Variants in FAM20C observed in about 807,000 individuals in gnomAD.
FAM20C encodes FAM20C golgi associated secretory pathway kinase.
FAM20C carries 40 observed loss-of-function variants against 51.5 expected under a neutral mutation model. The ratio of observed to expected loss-of-function variants is 0.78; its 90% confidence interval spans 0.60 to 1.01. The LOEUF (loss-of-function observed/expected upper bound fraction) is 1.01. Ranked by LOEUF, FAM20C falls within the 50% of genes least tolerant of loss-of-function variation. The pLI is 0.00. For missense variants in FAM20C, 861 were observed against 844.7 expected, an observed-to-expected ratio of 1.02 and a Z score of -0.24; for synonymous variants, 406 against 380.6, an observed-to-expected ratio of 1.07 and a Z score of -0.78.
chr7:200,261 G>A (rs1786069321), intron 2 of FAM20C, among the ~76,000 whole-genome samples: 1 of 146,238 alleles, frequency 6.8e-6, no homozygotes, highest in African/African-American at 2.5e-5. Context: ...GCAGGTCACG[G>A]TCCCAGGGCC....
rs563217049 is a variant in FAM20C, at chr7:222,638, G to T, written c.863+13662G>T. ...GCCAACCAAAGGCTGGAGAGCGGAA[G>T]TGAGGGGCCCTGAGGTGCCAACCAA... On this transcript the variant is annotated intron_variant, in intron 3 of 9. Coordinates refer to ENST00000313766, the MANE Select transcript of FAM20C (RefSeq NM_020223.4). 9.2e-5 allele frequency among the ~76,000 whole-genome samples: 14 copies of T among 152,204 alleles called. No individual in the cohort carries two copies. The South Asian group carries it at 2.9e-3, about 32-fold the overall frequency.
At chr7:247,402 C>T (rs796403507) in intron 4 of FAM20C, among the ~76,000 whole-genome samples, 32 of 152,274 alleles carry the variant, frequency 2.1e-4, no homozygotes, top group African/African-American at 4.6e-4. Flanking sequence ...CTGCCCTGCA[C>T]GGCCCTGACA....
At chr7:249,948 G>A (rs765106206) in intron 5 of FAM20C, among the ~76,000 whole-genome samples, 3 of 152,114 alleles carry the variant, frequency 2.0e-5, no homozygotes, top group Non-Finnish European at 2.9e-5. Context: ...TGGTCCCAGC[G>A]ATGGTGGGCC....
intron 5 of FAM20C, among the ~76,000 whole-genome samples, chr7:250,895 G>A (rs1015988287): frequency 1.2e-4 from 18 of 152,210 alleles, no homozygotes; most frequent in Non-Finnish European, 7.3e-5. Flanking sequence ...AGGTGCCAGC[G>A]CCCCATGCAG....
At chr7:258,762 A>G (rs1266012628) in intron 9 of FAM20C, 57 bp downstream of exon 9, 4 of 1,470,986 alleles carry the variant, frequency 2.7e-6, no homozygotes, top group Non-Finnish European at 3.6e-6. Context: ...TGCGCAGGAG[A>G]CAGAGGAGGC....
chr7:207,355 G>A (rs1786471109), intron 2 of FAM20C, among the ~76,000 whole-genome samples: 1 of 133,448 alleles, frequency 7.5e-6, no homozygotes, highest in South Asian at 2.6e-4. Flanking sequence ...CGTATCCACT[G>A]TGAGGCGTCG....
At chr7:248,945 C>T (rs145377273) in intron 5 of FAM20C, among the ~76,000 whole-genome samples, 8,728 of 152,268 alleles carry the variant, frequency 0.057, 294 homozygotes, top group Non-Finnish European at 0.082. Flanking sequence ...ACCTCCCACG[C>T]AGGGGTGCCC....
intron 3 of FAM20C, among the ~76,000 whole-genome samples, chr7:244,797 G>A (rs1204233786): frequency 6.6e-6 from 1 of 152,238 alleles, no homozygotes; most frequent in South Asian, 2.1e-4. Context: ...CTGTCAAGGC[G>A]AATATTATGT....
At chr7:219,764 C>T (rs574008867) in intron 3 of FAM20C, among the ~76,000 whole-genome samples, 1 of 152,332 alleles carries the variant, frequency 6.6e-6, no homozygotes, top group South Asian at 2.1e-4. Context: ...GGCTCTTCTC[C>T]TAGAGCCCAT....
intron 2 of FAM20C, among the ~76,000 whole-genome samples, chr7:202,619 T>C (rs1333575889): frequency 1.4e-5 from 2 of 141,644 alleles, no homozygotes; most frequent in Non-Finnish European, 3.1e-5. Context: ...TATCTTCCAG[T>C]GTGCATAGAG....
rs920876427 is a variant in FAM20C at position 208,885 on chromosome 7, C to G, written c.785-13C>G. On this transcript the variant is annotated splice_polypyrimidine_tract_variant and intron_variant, in intron 2 of 9. Transcript: ENST00000313766. Reference sequence around the variant, plus strand: ...CCAGAGAGTGACCCTGTTTCTCTCCCTCCTTCCTGCAGCCATGAAGTCGGG... The same window carrying G: ...CCAGAGAGTGACCCTGTTTCTCTCCGTCCTTCCTGCAGCCATGAAGTCGGG... 1 of 1,562,692 alleles carries G rather than the reference C, an allele frequency of 6.4e-7. No individual in the cohort carries two copies. The highest frequency in any genetic ancestry group is 8.7e-7 in the Non-Finnish European group (1 of 1,153,468).
intron 3 of FAM20C, among the ~76,000 whole-genome samples, chr7:233,321 T>C (rs878988638): frequency 0.48 from 73,404 of 152,072 alleles, 19,788 homozygotes; most frequent in African/African-American, 0.74. Context: ...ATGGCCTGAC[T>C]GGATTTGGAG....
At chr7:213,515 C>T (rs1265659804) in intron 3 of FAM20C, among the ~76,000 whole-genome samples, 1 of 152,254 alleles carries the variant, frequency 6.6e-6, no homozygotes, top group Non-Finnish European at 1.5e-5. Context: ...AGGTGCCTCC[C>T]TGTTTTTCAT....
intron 3 of FAM20C, among the ~76,000 whole-genome samples, chr7:233,567 G>A (rs1787762633): frequency 6.6e-6 from 1 of 152,150 alleles, no homozygotes. Flanking sequence ...CCGTGTCCTG[G>A]CCCTTCCGGC....
At chr7:256,574 T>G in intron 6 of FAM20C, 80 bp from the exon 7 acceptor site, 2 of 1,182,978 alleles carry the variant, frequency 1.7e-6, no homozygotes, top group Non-Finnish European at 2.4e-6. Context: ...GCCGCAGTGT[T>G]TCTCTTCTGC....
At chr7:248,224 C>T in intron 4 of FAM20C, 91 bp from the exon 5 acceptor site, 2 of 895,220 alleles carry the variant, frequency 2.2e-6, no homozygotes, top group East Asian at 2.7e-5. Flanking sequence ...AGCACAGACC[C>T]TCCCCTGCCC....
intron 5 of FAM20C, among the ~76,000 whole-genome samples, chr7:250,323 C>T (rs894551614): frequency 6.6e-6 from 1 of 152,168 alleles, no homozygotes; most frequent in African/African-American, 2.4e-5. Flanking sequence ...CTTTCTTCCT[C>T]TCAAAGCCCA....
At chr7:207,625 C>T (rs1198443824) in intron 2 of FAM20C, among the ~76,000 whole-genome samples, 3 of 152,244 alleles carry the variant, frequency 2.0e-5, no homozygotes, top group Non-Finnish European at 4.4e-5. Flanking sequence ...ACGTCTGTGC[C>T]GGCAGGGATG....
intron 4 of FAM20C, among the ~76,000 whole-genome samples, chr7:246,816 C>T (rs1386393784): frequency 1.3e-5 from 2 of 152,176 alleles, no homozygotes; most frequent in African/African-American, 4.8e-5. Context: ...TCATATCCCC[C>T]TTTACAGATG....
Sources: allele counts gnomAD v4.1 joint callset (sites outside exome capture counted in the v4.1 genomes callset), GRCh38; gene constraint gnomAD v4.1.1; transcripts MANE v1.5; gene names NCBI Gene and HGNC (gene_info 2026-07-23, HGNC 2026-07-21).